The following TUBGCP5 variants were observed in gnomAD, a reference collection of about 807,000 sequenced individuals.
TUBGCP5 encodes tubulin gamma complex component 5.
Under a neutral mutation model 134.7 loss-of-function variants are expected in TUBGCP5, and 98 were observed. The ratio of observed to expected loss-of-function variants is 0.73; its 90% CI spans 0.62 to 0.86. The LOEUF (loss-of-function observed/expected upper bound fraction) is 0.86, where lower values mean the gene tolerates loss of function less well. Ranked by LOEUF, TUBGCP5 falls within the 40% of genes least tolerant of loss-of-function variation. The pLI is 0.00. For synonymous variants in TUBGCP5, 456 were observed against 431.4 expected (o/e 1.06, Z -0.71); for missense variants, 1,150 against 1,244.8 (o/e 0.92, Z 1.15).
rs547595627 is a variant in TUBGCP5 at position 22,988,167 on chromosome 15, G to A, written c.*62-4556C>T. Among the ~76,000 whole-genome samples, 109 of 151,976 alleles carry A rather than the reference G, an allele frequency of 7.2e-4. 2 individuals carry two copies. In the South Asian group the frequency reaches 0.011, roughly 15 times the overall value. On this transcript the variant is annotated intron_variant and NMD_transcript_variant, in intron 23 of 23. Coordinates refer to the TUBGCP5 transcript ENST00000614508. ...CCTTATATGAAGAAAGAGTCTTAGC[G>A]GATCTAAGTTCTTGAGATGGGATCA...
At chr15:23,009,418 G>A (rs1288178939) in intron 15 of TUBGCP5, among the ~76,000 whole-genome samples, 1 of 151,830 alleles carries the variant, frequency 6.6e-6, no homozygotes, top group Non-Finnish European at 1.5e-5. Context: ...ACAGGCGCCC[G>A]GCACCACGCC....
Position 23,038,024 on chromosome 15 carries a change from A to G in TUBGCP5, c.147-872T>C, listed in dbSNP as rs985235216. Among the ~76,000 whole-genome samples the G allele has an allele frequency of 3.9e-5, 6 of 152,304 alleles. No homozygotes were observed. In the East Asian group the frequency reaches 9.6e-4, roughly 24 times the overall value. On this transcript the variant is annotated intron_variant, in intron 1 of 22. Coordinates refer to ENST00000615383, the MANE Select transcript of TUBGCP5 (RefSeq NM_052903.6). ...CGTGATCCACCCACCTCGGCCTCCT[A>G]AAGTGCTGGGATTACAGGCGTGAGC...
intron 14 of TUBGCP5, 94 bp downstream of exon 14, chr15:23,011,039 T>C: frequency 7.8e-7 from 1 of 1,287,692 alleles, no homozygotes; most frequent in Non-Finnish European, 1.1e-6. Context: ...CAAGAGTTTT[T>C]GTTTTTAGCC....
chr15:23,009,855 T>G, intron 15 of TUBGCP5, 90 bp downstream of exon 15: 1 of 1,232,474 alleles, frequency 8.1e-7, no homozygotes, highest in Non-Finnish European at 1.1e-6. Flanking sequence ...CCTACTCTAA[T>G]AAAAATTGAA....
At position 23,028,458 on chromosome 15, in the gene TUBGCP5, A is replaced by C. The variant is rs544626634; in HGVS notation, c.623-1152T>G. Reference sequence around the variant, plus strand: ...TACTAAAAAATAACATGATCAAGCAAGTTTAGGTGAAGAATTCAAGGATAA... The same window carrying C: ...TACTAAAAAATAACATGATCAAGCACGTTTAGGTGAAGAATTCAAGGATAA... On this transcript the variant is annotated intron_variant, in intron 6 of 22. Coordinates refer to ENST00000615383, the MANE Select transcript of TUBGCP5 (RefSeq NM_052903.6). Among the ~76,000 whole-genome samples the C allele has an allele frequency of 1.8e-4, 27 of 152,126 alleles. No homozygotes were observed. The East Asian group carries it at 5.2e-3, about 29-fold the overall frequency.
At position 23,004,282 on chromosome 15, in the gene TUBGCP5, G is replaced by A. The variant is rs1230050976; in HGVS notation, c.2713-55C>T. ...AGCAGCCTTCTTTGAGGACTTGTGTGCTGCACACAAATCTTTTTTACTAAG... is the reference window on the plus strand; with the variant it reads ...AGCAGCCTTCTTTGAGGACTTGTGTACTGCACACAAATCTTTTTTACTAAG... On this transcript the variant is annotated intron_variant, in intron 19 of 22. Coordinates refer to ENST00000615383, the MANE Select transcript of TUBGCP5 (RefSeq NM_052903.6). 46 of 1,582,630 alleles carry A rather than the reference G, an allele frequency of 2.9e-5. 1 individual carries two copies. Among genetic ancestry groups the A allele is most frequent in the Admixed American group, 1.2e-4 (6 of 50,572 alleles).
intron 23 of TUBGCP5, among the ~76,000 whole-genome samples, chr15:22,988,413 G>GC (rs1013350040): frequency 2.0e-5 from 3 of 151,870 alleles, no homozygotes; most frequent in African/African-American, 7.3e-5. Flanking sequence ...TGGCCTTCCA[G>GC]CCCCCAGAAC....
At chr15:23,039,195 A>T (rs1046673948) in intron 1 of TUBGCP5, among the ~76,000 whole-genome samples, 2 of 151,838 alleles carry the variant, frequency 1.3e-5, no homozygotes, top group African/African-American at 2.4e-5. Flanking sequence ...CCCGGGTAAC[A>T]CGCCCTGTGG....
chr15:22,987,895 C>CAAAA lies in TUBGCP5; in HGVS notation c.*62-4288_*62-4285dup, dbSNP rs869168765. 2.0e-3 allele frequency among the ~76,000 whole-genome samples: 40 copies of CAAAA among 20,492 alleles called. 2 individuals carry two copies. The highest frequency in any genetic ancestry group is 3.0e-3 in the Non-Finnish European group (33 of 11,136). The allele number at this position is 20,492 out of a possible 152,430, so 13.4% of individuals were successfully genotyped here. ...TGGGTGACAGAGCGAGACTCCATCTCAAAAAAAAAAAAAAAAAAAAAAAAA... is the reference window on the plus strand; with the variant it reads ...TGGGTGACAGAGCGAGACTCCATCTCAAAAAAAAAAAAAAAAAAAAAAAAAAAAA... On this transcript the variant is annotated intron_variant and NMD_transcript_variant, in intron 23 of 23. Coordinates refer to the TUBGCP5 transcript ENST00000614508.
intron 13 of TUBGCP5, among the ~76,000 whole-genome samples, chr15:23,011,830 T>C (rs1232732966): frequency 6.8e-6 from 1 of 147,996 alleles, no homozygotes; most frequent in Non-Finnish European, 1.5e-5. Context: ...TTAAATAATA[T>C]CATGTCCGGG....
intron 23 of TUBGCP5, among the ~76,000 whole-genome samples, chr15:22,993,157 C>A (rs965052118): frequency 7.0e-6 from 1 of 142,726 alleles, no homozygotes; most frequent in African/African-American, 2.6e-5. Context: ...TGGAGTGTAG[C>A]GGTGTGATCT....
intron 23 of TUBGCP5, among the ~76,000 whole-genome samples, chr15:22,988,457 GTT>G (rs2063744797): frequency 6.6e-6 from 1 of 151,732 alleles, no homozygotes; most frequent in African/African-American, 2.4e-5. Flanking sequence ...TTTTTGGCCG[GTT>G]GCGGTGGCTG....
At chr15:23,003,630 C>CTCT (rs2064521658) in intron 20 of TUBGCP5, among the ~76,000 whole-genome samples, 1 of 105,986 alleles carries the variant, frequency 9.4e-6, no homozygotes, top group Non-Finnish European at 1.9e-5. Context: ...ACTCCTCCTT[C>CTCT]TGTTTTTTTT....
At chr15:23,006,473 G>A in intron 16 of TUBGCP5, 121 bp from the exon 17 acceptor site, 1 of 702,612 alleles carries the variant, frequency 1.4e-6, no homozygotes, top group African/African-American at 1.8e-5. Flanking sequence ...TTTCATAAAA[G>A]AAATGCAAAC....
intron 12 of TUBGCP5, among the ~76,000 whole-genome samples, chr15:23,018,799 A>C (rs757231442): frequency 4.8e-4 from 73 of 152,204 alleles, no homozygotes; most frequent in Non-Finnish European, 9.3e-4. Flanking sequence ...ATACTAAGGT[A>C]AAAGAAATCA....
rs745386110 is a variant in TUBGCP5 at position 23,031,989 on chromosome 15, T to G, written c.447A>C (p.Glu149Asp). 74 of 1,612,796 alleles carry G rather than the reference T, an allele frequency of 4.6e-5. 1 individual carries two copies. The Middle Eastern group carries it at 1.2e-3, about 25-fold the overall frequency. The change falls in exon 5 of 23, where the codon GAA becomes GAC. Residue 149 changes from glutamate to aspartate, a missense_variant. Physicochemically the swap from Glu to Asp is conservative, Grantham distance 45. Transcript: ENST00000615383. ...ACGGACCAATGTCCATTTCTTCATC[T>G]TCCATCAAGTATTTTCCCCAGTCGA... ...DDFDWGKYLM[E>D]DEEMDIGPYM...
chr15:23,015,088 T>C (rs930042714), intron 13 of TUBGCP5, among the ~76,000 whole-genome samples: 2 of 152,012 alleles, frequency 1.3e-5, no homozygotes, highest in African/African-American at 4.8e-5. Flanking sequence ...TGTGCTACTG[T>C]TTGTTTTTTG....
chr15:23,007,722 T>C (rs1393119679), intron 16 of TUBGCP5, among the ~76,000 whole-genome samples: 3 of 152,154 alleles, frequency 2.0e-5, no homozygotes, highest in Non-Finnish European at 4.4e-5. Context: ...GTGCAAGACA[T>C]GAGGCTGGGA....
chr15:23,011,030 AAG>A, intron 14 of TUBGCP5, 101 bp downstream of exon 14: 1 of 1,118,116 alleles, frequency 8.9e-7, no homozygotes, highest in Middle Eastern at 2.7e-4. Flanking sequence ...GATAGCCTAC[AAG>A]AGTTTTTGTT....
Sources: allele counts gnomAD v4.1 joint callset (sites outside exome capture counted in the v4.1 genomes callset), GRCh38; gene constraint gnomAD v4.1.1; transcripts MANE v1.5; gene names NCBI Gene and HGNC (gene_info 2026-07-23, HGNC 2026-07-21).